Variants in SETX observed in about 807,000 individuals in gnomAD.
SETX encodes helicase senataxin.
SETX carries 90 observed loss-of-function variants against 227.2 expected under a neutral mutation model. The ratio of observed to expected loss-of-function variants is 0.40; its 90% CI spans 0.33 to 0.47. The LOEUF is 0.47. Among genes scored for constraint, SETX ranks in the 20% least tolerant of loss-of-function variants. SETX has a pLI of 0.91. For missense variants in SETX, 3,052 were observed against 3,181.5 expected, an observed-to-expected ratio of 0.96 and a Z score of 0.98; for synonymous variants, 1,210 against 1,113.2, an observed-to-expected ratio of 1.09 and a Z score of -1.73.
Position 132,327,461 on chromosome 9 carries a change from A to G in SETX, c.4137T>C (p.His1379=). ...ESTDVKRAGS[H]TAQNSDIFVP... ...CAAATATGTCAGAATTCTGTGCTGTATGTGACCCTGCTCTTTTAACATCTG... is the reference window on the plus strand; with the variant it reads ...CAAATATGTCAGAATTCTGTGCTGTGTGTGACCCTGCTCTTTTAACATCTG... The change falls in exon 10 of 26, where the codon CAT becomes CAC. Residue 1379 remains histidine, a synonymous_variant. Coordinates refer to ENST00000224140, the MANE Select transcript of SETX (RefSeq NM_015046.7). 2 of 1,614,172 alleles carry G rather than the reference A, an allele frequency of 1.2e-6. No homozygotes were observed. Among genetic ancestry groups the G allele is most frequent in the Middle Eastern group, 1.6e-4 (1 of 6,062 alleles).
chr9:132,334,647 T>A lies in SETX; in HGVS notation c.799A>T (p.Met267Leu), dbSNP rs777164579. Residue 267 changes from methionine (M) to leucine (L), a missense_variant, in exon 7 of 26, where the codon ATG becomes TTG. Around this residue, in one of 10 missense-constraint regions of SETX, gnomAD observed 239 missense variants for 240.8 expected, o/e 0.99. Transcript: ENST00000224140. ...TCCATAGTGTGAAGTATCGATTGCA[T>A]AAAATCATTTTGTTTGTCTGAGCCC... ...LLGSDKQNDF[M>L]QSILHTMERE... 12 of 1,614,002 alleles carry A rather than the reference T, an allele frequency of 7.4e-6. No homozygotes were observed. Among genetic ancestry groups the A allele is most frequent in the Non-Finnish European group, 1.0e-5 (12 of 1,179,988 alleles).
rs760245611 is a variant in SETX, at chr9:132,326,699, C to T, written c.4899G>A (p.Ser1633=). ...GAACTGGCTGTGGTACTTTCAAAAT[C>T]GACTGTATCCCCTTTGACTTATTTT... ...SLKNKSKGIQ[S]ILKVPQPVPL... The change falls in exon 10 of 26, where the codon TCG becomes TCA. Residue 1633 remains serine, a synonymous_variant. Coordinates refer to ENST00000224140, the MANE Select transcript of SETX (RefSeq NM_015046.7). 6.2e-7 allele frequency: 1 copy of T among 1,614,134 alleles called. No individual in the cohort carries two copies. Among genetic ancestry groups the T allele is most frequent in the Non-Finnish European group, 8.5e-7 (1 of 1,179,990 alleles).
At position 132,328,802 on chromosome 9, in the gene SETX, A is replaced by G. The variant is rs1242616549; in HGVS notation, c.2796T>C (p.Ser932=). The G allele has an allele frequency of 1.8e-5, 29 of 1,611,522 alleles. No individual in the cohort carries two copies. The highest frequency in any genetic ancestry group is 2.7e-5 in the African/African-American group (2 of 74,812). Residue 932 remains serine, a synonymous_variant, in exon 10 of 26, where the codon AGT becomes AGC. Transcript: ENST00000224140. Reference sequence around the variant, plus strand: ...CTCTTGTCAAGTTAGAATAAATCACACTGGTACTATTACTCATCTCCTCAT... The same window carrying G: ...CTCTTGTCAAGTTAGAATAAATCACGCTGGTACTATTACTCATCTCCTCAT... ...SRDEEMSNST[S]VIYSNLTREQ...
intron 17 of SETX, among the ~76,000 whole-genome samples, chr9:132,287,404 C>T (rs1014750388): frequency 1.3e-5 from 2 of 152,184 alleles, no homozygotes; most frequent in Non-Finnish European, 2.9e-5. Flanking sequence ...AGAAAGACAG[C>T]TCACTTGAGT....
chr9:132,271,860 G>T, intron 23 of SETX, 52 bp from the exon 24 acceptor site: 1 of 1,463,008 alleles, frequency 6.8e-7, no homozygotes, highest in Non-Finnish European at 9.5e-7. Flanking sequence ...TAATTATTAA[G>T]TATACATATT....
intron 20 of SETX, among the ~76,000 whole-genome samples, chr9:132,279,824 T>C (rs1589628962): frequency 6.6e-6 from 1 of 152,152 alleles, no homozygotes; most frequent in Non-Finnish European, 1.5e-5. Flanking sequence ...GATTTATTAA[T>C]ATATATTCTG....
At chr9:132,294,826 A>G (rs898884259) in intron 15 of SETX, among the ~76,000 whole-genome samples, 13 of 152,234 alleles carry the variant, frequency 8.5e-5, no homozygotes, top group Admixed American at 6.5e-4. Flanking sequence ...TGGGTCTCCA[A>G]GGACTCTCTA....
At position 132,326,712 on chromosome 9, in the gene SETX, T is replaced by A. The variant is rs964786308; in HGVS notation, c.4886A>T (p.Lys1629Met). 3.1e-6 allele frequency: 5 copies of A among 1,614,208 alleles called. No homozygotes were observed. The highest frequency in any genetic ancestry group is 4.2e-6 in the Non-Finnish European group (5 of 1,180,028). ...ALSPSLKNKS[K>M]GIQSILKVPQ... ...TACTTTCAAAATCGACTGTATCCCC[T>A]TTGACTTATTTTTTAGAGACGGTGA... Residue 1629 changes from lysine (K) to methionine (M), a missense_variant, in exon 10 of 26, where the codon AAG (lysine) becomes ATG (methionine). Lys to Met is a moderately conservative substitution (Grantham distance 95). This residue lies in a region of SETX where 1,483 missense variants were observed against 1,312.0 expected (regional missense o/e 1.13). Transcript: ENST00000224140.
chr9:132,355,989 G>GAA (rs1213549776), upstream of SETX, among the ~76,000 whole-genome samples: 3,706 of 84,816 alleles, frequency 0.044, 149 homozygotes, highest in East Asian at 0.14. Context: ...TCTCTCTCCG[G>GAA]AAAAAAAAAA....
rs146873848 is a variant in SETX at position 132,326,616 on chromosome 9, G to C, written c.4982C>G (p.Pro1661Arg). The C allele has an allele frequency of 2.2e-4, 349 of 1,614,214 alleles. 1 individual carries two copies. In the Middle Eastern group the frequency reaches 4.0e-3, roughly 18 times the overall value. Reference sequence around the variant, plus strand: ...CCTGTTGGAATTATTCGGAGACTGAGGATGAAGAACATTGCACGAATTCTT... The same window carrying C: ...CCTGTTGGAATTATTCGGAGACTGACGATGAAGAACATTGCACGAATTCTT... ...EMKNSCNVLHPQSPNNSNRQG... is the reference protein window; with the variant it reads ...EMKNSCNVLHRQSPNNSNRQG... The change falls in exon 10 of 26, where the codon CCT becomes CGT. Residue 1661 changes from proline (P) to arginine (R), a missense_variant. Coordinates refer to ENST00000224140, the MANE Select transcript of SETX (RefSeq NM_015046.7).
upstream of SETX, among the ~76,000 whole-genome samples, chr9:132,355,358 C>T (rs1274429323): frequency 1.3e-5 from 2 of 152,166 alleles, no homozygotes. Context: ...CTTCTTTTTT[C>T]CACGCCTCAG....
chr9:132,296,054 A>AC (rs1305155049), intron 14 of SETX, 26 bp from the exon 15 acceptor site: 1 of 1,614,142 alleles, frequency 6.2e-7, no homozygotes, highest in Non-Finnish European at 8.5e-7. Flanking sequence ...TATACATACC[A>AC]AACAAACACA....
Position 132,264,149 on chromosome 9 carries a change from CA to C in SETX, c.*89del. On this transcript the variant is annotated 3_prime_UTR_variant, in exon 26 of 26. Coordinates refer to ENST00000224140, the MANE Select transcript of SETX (RefSeq NM_015046.7). ...TTTCCAACAGCACACAAACTCCTTA[CA>C]AAAAACAAGCTTATCTAGATGGTCC... The C allele has an allele frequency of 6.3e-7, 1 of 1,586,744 alleles. No individual in the cohort carries two copies.
rs1444370909 is a variant in SETX, at chr9:132,326,269, G to A, written c.5274+55C>T. ...TATACTCTCATTTTCACTCAGCAAG[G>A]TAAAGAGGTAACTTGAAAAGTTTGG... On this transcript the variant is annotated intron_variant, in intron 10 of 25. Transcript: ENST00000224140. The A allele has an allele frequency of 4.5e-6, 6 of 1,329,094 alleles. No individual in the cohort carries two copies. In the East Asian group the frequency reaches 1.2e-4, roughly 27 times the overall value. The allele number at this position is 1,329,094 out of a possible 1,614,324, so 82.3% of individuals were successfully genotyped here.
In SETX at chr9:132,328,371, G is replaced by A. The variant is rs1432929948; in HGVS notation, c.3227C>T (p.Ser1076Phe). 1.9e-6 allele frequency: 3 copies of A among 1,613,986 alleles called. No homozygotes were observed. The highest frequency in any genetic ancestry group is 1.7e-5 in the Admixed American group (1 of 60,012). ...TTCAAACTCAAAACACTGAGAATCA[G>A]ATTCCTCAAACTGAAAAAGAGTCTC... is the stretch of plus-strand genomic sequence containing the variant. ...KTETLFQFEE[S>F]DSQCFEFESS... The change falls in exon 10 of 26, where the codon TCT becomes TTT. Residue 1076 changes from serine (S) to phenylalanine (F), a missense_variant. Around this residue, in one of 10 missense-constraint regions of SETX, gnomAD observed 1,483 missense variants for 1,312.0 expected, o/e 1.13. Coordinates refer to ENST00000224140, the MANE Select transcript of SETX (RefSeq NM_015046.7).
Position 132,265,227 on chromosome 9 carries a change from T to TTG in SETX, c.7288-243_7288-242insCA, listed in dbSNP as rs1554801938. On this transcript the variant is annotated intron_variant, in intron 25 of 25. Transcript: ENST00000224140. ...ATAATGGAGAACTTCAACTTTTGTT[T>TTG]TTTTTTTTTTTTTTTTTGAGACAGA... 3.0e-3 allele frequency among the ~76,000 whole-genome samples: 434 copies of TTG among 144,194 alleles called. 3 individuals are homozygous for TTG. The highest frequency in any genetic ancestry group is 0.011 in the African/African-American group (409 of 38,614). The allele number at this position is 144,194 out of a possible 152,430, so 94.6% of individuals were successfully genotyped here.
intron 4 of SETX, 142 bp downstream of exon 4, chr9:132,346,119 A>T: frequency 2.8e-6 from 2 of 703,344 alleles, no homozygotes; most frequent in South Asian, 1.8e-5. Flanking sequence ...AAAAATAAAA[A>T]ACGTTGGAAA....
At chr9:132,273,017 G>T (rs942208844) in intron 23 of SETX, among the ~76,000 whole-genome samples, 3 of 152,126 alleles carry the variant, frequency 2.0e-5, no homozygotes, top group African/African-American at 7.2e-5. Context: ...AAGACTGTGT[G>T]AACTCAGGAG....
At chr9:132,350,396 G>A (rs926680688) in intron 2 of SETX, among the ~76,000 whole-genome samples, 6 of 152,094 alleles carry the variant, frequency 3.9e-5, no homozygotes, top group Non-Finnish European at 8.8e-5. Flanking sequence ...TGAGTATGTG[G>A]GAATGGAAAC....
Sources: allele counts gnomAD v4.1 joint callset (sites outside exome capture counted in the v4.1 genomes callset), GRCh38; gene constraint gnomAD v4.1.1; regional missense constraint gnomAD v4.1.1; transcripts MANE v1.5; gene names NCBI Gene and HGNC (gene_info 2026-07-23, HGNC 2026-07-21).